The following TRIO variants were observed in gnomAD, a reference collection of about 807,000 sequenced individuals.
TRIO encodes the protein triple functional domain protein.
In TRIO, 58 loss-of-function variants were observed where a neutral mutation model predicts 351.9. The ratio of observed to expected loss-of-function variants is 0.16; its 90% confidence interval spans 0.13 to 0.21. The LOEUF (loss-of-function observed/expected upper bound fraction) is 0.21. Ranked by LOEUF, TRIO falls within the 10% of genes least tolerant of loss-of-function variation. The pLI, the probability that TRIO is intolerant of heterozygous loss-of-function variation, is 1.00. For missense variants in TRIO, 3,201 were observed against 4,027.8 expected (o/e 0.79, Z 5.56); for synonymous variants, 1,758 against 1,595.7 (o/e 1.10, Z -2.42).
intron 3 of TRIO, among the ~76,000 whole-genome samples, chr5:14,280,887 T>C (rs1735936230): frequency 1.3e-5 from 2 of 152,206 alleles, no homozygotes; most frequent in African/African-American, 4.8e-5. Context: ...TAGCTATATA[T>C]TGGGCGTAGA....
At chr5:14,169,978 C>T (rs1011022542) in intron 1 of TRIO, among the ~76,000 whole-genome samples, 4 of 152,062 alleles carry the variant, frequency 2.6e-5, no homozygotes, top group Non-Finnish European at 5.9e-5. Flanking sequence ...AGTGGTGTTC[C>T]AGGTGATTTA....
rs749873262 is a variant in TRIO, at chr5:14,419,920, C to T, written c.5102C>T (p.Thr1701Ile). ...DKPDWCLVRTTDRSPAAEGLV... is the reference protein window; with the variant it reads ...DKPDWCLVRTIDRSPAAEGLV... ...CCTGACTGGTGTCTGGTGCGGACAA[C>T]TGACCGCTCCCCAGCGGCAGAAGGC... is the stretch of plus-strand genomic sequence containing the variant. The change falls in exon 34 of 57, where the codon ACT becomes ATT. Residue 1701 changes from threonine to isoleucine, a missense_variant. By Grantham distance (89) the Thr-to-Ile change is moderately conservative. Coordinates refer to ENST00000344204, the MANE Select transcript of TRIO (RefSeq NM_007118.4). 6.2e-7 allele frequency: 1 copy of T among 1,614,194 alleles called. No homozygotes were observed. The highest frequency in any genetic ancestry group is 1.1e-5 in the South Asian group (1 of 91,076).
At chr5:14,207,494 A>ACACACACAGC (rs1791604761) in intron 1 of TRIO, among the ~76,000 whole-genome samples, 1 of 60,612 alleles carries the variant, frequency 1.6e-5, no homozygotes, top group Non-Finnish European at 4.0e-5. Flanking sequence ...ACACACACAC[A>ACACACACAGC]GCCAGGTAGC....
chr5:14,159,023 C>T (rs1393315816), intron 1 of TRIO, among the ~76,000 whole-genome samples: 1 of 152,084 alleles, frequency 6.6e-6, no homozygotes, highest in Non-Finnish European at 1.5e-5. Flanking sequence ...TTTTAACTTG[C>T]CCCAGCTCAG....
chr5:14,462,137 T>C (rs1753867969), intron 35 of TRIO, among the ~76,000 whole-genome samples: 1 of 152,206 alleles, frequency 6.6e-6, no homozygotes, highest in African/African-American at 2.4e-5. Flanking sequence ...TTATTTGATT[T>C]ATTTGGCAGA....
At chr5:14,343,133 A>G (rs76812736) in intron 11 of TRIO, among the ~76,000 whole-genome samples, 8,022 of 150,570 alleles carry the variant, frequency 0.053, 238 homozygotes, top group African/African-American at 0.075. Flanking sequence ...AGGAGGTCCC[A>G]TGCATCTTCA....
chr5:14,202,092 A>G (rs1405998247), intron 1 of TRIO, among the ~76,000 whole-genome samples: 3 of 151,848 alleles, frequency 2.0e-5, no homozygotes, highest in African/African-American at 4.8e-5. Flanking sequence ...CGTTGTGCAC[A>G]TGTACCCTAA....
intron 1 of TRIO, among the ~76,000 whole-genome samples, chr5:14,215,785 C>G (rs750156030): frequency 6.6e-6 from 1 of 152,168 alleles, no homozygotes; most frequent in Non-Finnish European, 1.5e-5. Flanking sequence ...GCCTAAAAAT[C>G]GAGAAACCAT....
In TRIO at chr5:14,485,201, C is replaced by G. The variant is rs1365799771; in HGVS notation, c.6790C>G (p.His2264Asp). Residue 2264 changes from histidine (H) to aspartate (D), a missense_variant, in exon 47 of 57, where the codon CAT (histidine) becomes GAT (aspartate). By Grantham distance (81) the His-to-Asp change is moderately conservative (BLOSUM62 -1). Around this residue, in one of 19 missense-constraint regions of TRIO, gnomAD observed 1,089 missense variants for 954.9 expected, o/e 1.14. Transcript: ENST00000344204. The stretch of plus-strand genomic sequence containing the variant: ...TCCAAGTGTCCGGCAAACTTGGATC[C>G]ATGAAATCAACCAAATTTTAGAAAA... The part of the protein sequence containing the change: ...SSPSVRQTWI[H>D]EINQILENQR... The G allele has an allele frequency of 1.3e-6, 2 of 1,583,412 alleles. No individual in the cohort carries two copies. Among genetic ancestry groups the G allele is most frequent in the East Asian group, 4.5e-5 (2 of 44,060 alleles).
intron 39 of TRIO, 133 bp downstream of exon 39, chr5:14,472,791 A>G (rs949082386): frequency 8.4e-6 from 8 of 951,604 alleles, no homozygotes; most frequent in African/African-American, 6.7e-5. Flanking sequence ...GTGACCAACG[A>G]TGTATTTCCG....
In TRIO at chr5:14,508,555, G is replaced by C; in HGVS notation, c.*133G>C. On this transcript the variant is annotated 3_prime_UTR_variant, in exon 57 of 57. Coordinates refer to ENST00000344204, the MANE Select transcript of TRIO (RefSeq NM_007118.4). ...TCGTGTGAAATTGCATTCCAAGTGA[G>C]CTGTGCTCAGCAGTGCTTGGACACA... 1 of 1,180,204 alleles carries C rather than the reference G, an allele frequency of 8.5e-7. No homozygotes were observed. The highest frequency in any genetic ancestry group is 1.2e-6 in the Non-Finnish European group (1 of 847,608). The allele number at this position is 1,180,204 out of a possible 1,614,324, so 73.1% of individuals were successfully genotyped here.
At chr5:14,201,591 A>C (rs1791112885) in intron 1 of TRIO, among the ~76,000 whole-genome samples, 1 of 152,146 alleles carries the variant, frequency 6.6e-6, no homozygotes, top group Non-Finnish European at 1.5e-5. Context: ...GGTGGGTAGG[A>C]GGCAAGCTGT....
At chr5:14,444,387 G>A (rs1752287597) in intron 34 of TRIO, among the ~76,000 whole-genome samples, 1 of 152,214 alleles carries the variant, frequency 6.6e-6, no homozygotes, top group Non-Finnish European at 1.5e-5. Context: ...ACAAGTTGCT[G>A]TGCAAACTAA....
chr5:14,377,992 C>T lies in TRIO; in HGVS notation c.3332-20C>T. ...ATTGATTGCAAGCACCAACATACAT[C>T]ATTTTCTTTTTTCTCTCAGATATCT... is the stretch of plus-strand genomic sequence containing the variant. On this transcript the variant is annotated intron_variant, in intron 19 of 56. Transcript: ENST00000344204. 1 of 1,582,672 alleles carries T rather than the reference C, an allele frequency of 6.3e-7. No homozygotes were observed.
intron 1 of TRIO, among the ~76,000 whole-genome samples, chr5:14,149,486 C>T (rs1581232407): frequency 6.6e-6 from 1 of 152,162 alleles, no homozygotes; most frequent in East Asian, 1.9e-4. Context: ...CATAAGGAAG[C>T]CCCTTGAAAC....
At chr5:14,386,212 A>G (rs1000413514) in intron 21 of TRIO, among the ~76,000 whole-genome samples, 2 of 152,030 alleles carry the variant, frequency 1.3e-5, no homozygotes, top group African/African-American at 4.8e-5. Context: ...AGCCATAGGG[A>G]TATCTGGGGG....
chr5:14,405,829 A>G lies in TRIO; in HGVS notation c.4717-19A>G, dbSNP rs776327969. 2 of 1,612,426 alleles carry G rather than the reference A, an allele frequency of 1.2e-6. No homozygotes were observed. The highest frequency in any genetic ancestry group is 2.2e-5 in the South Asian group (2 of 91,040). ...AAAGGGCCGTTCCGTATCCTAAGCA[A>G]CGCTAACACCTTGTTAAGGCTTCCA... On this transcript the variant is annotated intron_variant, in intron 31 of 56. Coordinates refer to ENST00000344204, the MANE Select transcript of TRIO (RefSeq NM_007118.4).
At chr5:14,251,054 A>C (rs904508167) in intron 1 of TRIO, among the ~76,000 whole-genome samples, 1 of 152,120 alleles carries the variant, frequency 6.6e-6, no homozygotes, top group Non-Finnish European at 1.5e-5. Flanking sequence ...TAAAGAAAAC[A>C]TGAGATTTGG....
chr5:14,461,059 A>C lies in TRIO; in HGVS notation c.5244A>C (p.Ala1748=). Residue 1748 remains alanine, a synonymous_variant, in exon 35 of 57, where the codon GCA becomes GCC. Transcript: ENST00000344204. ...SVSSNDASPP[A]SVASLQPHMI... Reference sequence around the variant, plus strand: ...CCAGCAATGACGCCAGTCCACCCGCATCCGTGGCTTCCCTCCAGCCCCACA... The same window carrying C: ...CCAGCAATGACGCCAGTCCACCCGCCTCCGTGGCTTCCCTCCAGCCCCACA... 1 of 1,582,018 alleles carries C rather than the reference A, an allele frequency of 6.3e-7. No homozygotes were observed. Among genetic ancestry groups the C allele is most frequent in the Non-Finnish European group, 8.6e-7 (1 of 1,164,698 alleles).
Sources: allele counts gnomAD v4.1 joint callset (sites outside exome capture counted in the v4.1 genomes callset), GRCh38; gene constraint gnomAD v4.1.1; regional missense constraint gnomAD v4.1.1; transcripts MANE v1.5; gene names NCBI Gene and HGNC (gene_info 2026-07-23, HGNC 2026-07-21).